Variants in KDM4C observed in about 807,000 individuals in gnomAD.
KDM4C encodes lysine-specific demethylase 4C.
KDM4C carries 81 observed loss-of-function variants against 129.3 expected under a neutral mutation model. That is an observed-to-expected ratio of 0.63 (90% CI 0.52 to 0.75). The LOEUF (loss-of-function observed/expected upper bound fraction) is 0.75. Among genes scored for constraint, KDM4C ranks in the 30% least tolerant of loss-of-function variants. The pLI is 0.00. For missense variants in KDM4C, 1,457 were observed against 1,304.0 expected (o/e 1.12, Z -1.81); for synonymous variants, 573 against 456.1 (o/e 1.26, Z -3.26).
chr9:7,079,442 C>T (rs1263499980), intron 17 of KDM4C, among the ~76,000 whole-genome samples: 3 of 152,194 alleles, frequency 2.0e-5, no homozygotes, highest in Non-Finnish European at 4.4e-5. Context: ...CCTGCCTCAA[C>T]CTCCCAAGTA....
chr9:6,880,905 C>T (rs1057076116), intron 6 of KDM4C, among the ~76,000 whole-genome samples: 4 of 152,090 alleles, frequency 2.6e-5, no homozygotes, highest in African/African-American at 9.7e-5. Context: ...GCCACCCTTC[C>T]AGAAAGAAGA....
intron 17 of KDM4C, among the ~76,000 whole-genome samples, chr9:7,087,307 A>G (rs866064691): frequency 2.0e-5 from 3 of 152,100 alleles, no homozygotes; most frequent in Admixed American, 6.5e-5. Flanking sequence ...ATATAATTAA[A>G]ATGACACAGA....
intron 4 of KDM4C, among the ~76,000 whole-genome samples, chr9:6,844,905 C>G (rs10116846): frequency 0.4 from 61,136 of 151,930 alleles, 12,863 homozygotes; most frequent in African/African-American, 0.53. Context: ...TCAGCCTGGT[C>G]TTGAACTCCT....
chr9:6,969,324 G>A (rs755106361), intron 8 of KDM4C, among the ~76,000 whole-genome samples: 20 of 152,096 alleles, frequency 1.3e-4, no homozygotes, highest in Admixed American at 1.1e-3. Flanking sequence ...TCATATTAAG[G>A]CCTTTTTGTA....
At chr9:6,963,866 A>T (rs571525632) in intron 8 of KDM4C, among the ~76,000 whole-genome samples, 3 of 152,106 alleles carry the variant, frequency 2.0e-5, no homozygotes, top group African/African-American at 7.2e-5. Context: ...TTCATTTTTA[A>T]TCCTTCTGTT....
intron 1 of KDM4C, among the ~76,000 whole-genome samples, chr9:6,748,273 T>C (rs7022731): frequency 0.4 from 60,830 of 151,752 alleles, 12,993 homozygotes; most frequent in African/African-American, 0.55. Context: ...TTTGGGAGGC[T>C]GAGGCAGGTG....
intron 8 of KDM4C, among the ~76,000 whole-genome samples, chr9:6,971,150 C>G (rs953204141): frequency 6.6e-6 from 1 of 152,080 alleles, no homozygotes; most frequent in Non-Finnish European, 1.5e-5. Context: ...GTAGTGATTT[C>G]TTATTACACA....
At position 7,174,829 on chromosome 9, in the gene KDM4C, G is replaced by A. The variant is rs1587999911; in HGVS notation, c.*100G>A. ...TGCCGTGAGTTTTGCTGGCATAGGT[G>A]ACAGGGTGTGTCTCTGACAGTGGTA... is the stretch of plus-strand genomic sequence containing the variant. On this transcript the variant is annotated 3_prime_UTR_variant, in exon 22 of 22. Coordinates refer to ENST00000381309, the MANE Select transcript of KDM4C (RefSeq NM_015061.6). The A allele has an allele frequency of 3.0e-6, 3 of 1,004,314 alleles. No individual in the cohort carries two copies. Among genetic ancestry groups the A allele is most frequent in the Non-Finnish European group, 4.5e-6 (3 of 664,780 alleles). The allele number at this position is 1,004,314 out of a possible 1,614,324, so 62.2% of individuals were successfully genotyped here. A position where few individuals can be genotyped will look rare whatever the true frequency, so the allele number is the denominator to read the frequency against.
chr9:7,046,420 A>G (rs1829401592), intron 15 of KDM4C, among the ~76,000 whole-genome samples: 1 of 151,996 alleles, frequency 6.6e-6, no homozygotes, highest in Non-Finnish European at 1.5e-5. Flanking sequence ...TGTAGTAGAA[A>G]AAAGCCTGCC....
chr9:6,891,630 A>T (rs1052726012), intron 7 of KDM4C, among the ~76,000 whole-genome samples: 1 of 152,182 alleles, frequency 6.6e-6, no homozygotes, highest in Admixed American at 6.5e-5. Context: ...AACAAATTGT[A>T]CACTTTAAAT....
intron 5 of KDM4C, among the ~76,000 whole-genome samples, chr9:6,876,243 C>G (rs911279646): frequency 2.6e-5 from 4 of 152,176 alleles, no homozygotes; most frequent in Non-Finnish European, 5.9e-5. Context: ...ATCATTTACC[C>G]TTGATCTTAG....
intron 8 of KDM4C, among the ~76,000 whole-genome samples, chr9:6,951,441 G>A (rs1182267015): frequency 6.6e-6 from 1 of 152,146 alleles, no homozygotes; most frequent in African/African-American, 2.4e-5. Context: ...TATGGAGACT[G>A]ATACATCCCA....
intron 17 of KDM4C, among the ~76,000 whole-genome samples, chr9:7,096,373 A>G (rs1214824240): frequency 3.9e-5 from 6 of 152,102 alleles, no homozygotes; most frequent in Non-Finnish European, 7.4e-5. Flanking sequence ...GGGAAGCACT[A>G]TTTTCTGCTA....
chr9:7,097,007 C>G (rs1023616471), intron 17 of KDM4C, among the ~76,000 whole-genome samples: 1 of 152,188 alleles, frequency 6.6e-6, no homozygotes, highest in Admixed American at 6.5e-5. Context: ...TACTTCCTGA[C>G]TCCATTTTGC....
chr9:7,131,901 A>G lies in KDM4C; in HGVS notation c.2781+3665A>G, dbSNP rs12342195. 6.1e-3 allele frequency among the ~76,000 whole-genome samples: 924 copies of G among 152,362 alleles called. 11 individuals carry two copies. Among genetic ancestry groups the G allele is most frequent in the African/African-American group, 0.021 (887 of 41,574 alleles). On this transcript the variant is annotated intron_variant, in intron 19 of 21. Coordinates refer to ENST00000381309, the MANE Select transcript of KDM4C (RefSeq NM_015061.6). ...TAGGTGATATACCTGTAGCATGAGC[A>G]ACTGGTGGTAGAAAATGATGTTTTT... is the stretch of plus-strand genomic sequence containing the variant.
At chr9:7,085,057 A>G (rs1431919382) in intron 17 of KDM4C, among the ~76,000 whole-genome samples, 1 of 152,220 alleles carries the variant, frequency 6.6e-6, no homozygotes. Context: ...AAGGTTGGGA[A>G]AACAGTTACC....
At chr9:6,866,004 C>T (rs1375338334) in intron 5 of KDM4C, among the ~76,000 whole-genome samples, 2 of 152,076 alleles carry the variant, frequency 1.3e-5, no homozygotes, top group African/African-American at 2.4e-5. Flanking sequence ...CCGCCCGCCT[C>T]GGCCTCCCAG....
intron 3 of KDM4C, among the ~76,000 whole-genome samples, chr9:6,813,341 T>C (rs1179487527): frequency 6.6e-6 from 1 of 152,178 alleles, no homozygotes; most frequent in African/African-American, 2.4e-5. Context: ...TGCCCATCCT[T>C]TTTATTTTTG....
intron 11 of KDM4C, among the ~76,000 whole-genome samples, chr9:6,988,534 C>T (rs1193708461): frequency 6.6e-6 from 1 of 152,072 alleles, no homozygotes; most frequent in Non-Finnish European, 1.5e-5. Flanking sequence ...GTAATACAGC[C>T]CCACTTAATT....
Sources: allele counts gnomAD v4.1 joint callset (sites outside exome capture counted in the v4.1 genomes callset), GRCh38; gene constraint gnomAD v4.1.1; transcripts MANE v1.5; gene names NCBI Gene and HGNC (gene_info 2026-07-23, HGNC 2026-07-21).